Variants in ARHGAP10 observed in about 807,000 individuals in gnomAD.
ARHGAP10 encodes rho GTPase-activating protein 10.
A neutral mutation model predicts 108.6 loss-of-function variants in ARHGAP10; 87 were observed. The observed-to-expected ratio is 0.80, with a 90% CI of 0.67 to 0.96. The LOEUF (loss-of-function observed/expected upper bound fraction) is 0.96. ARHGAP10 is among the 40% of genes least tolerant of loss of function. The pLI is 0.00. For synonymous variants in ARHGAP10, 347 were observed against 341.1 expected (o/e 1.02, Z -0.19); for missense variants, 939 against 954.5 (o/e 0.98, Z 0.21).
At chr4:147,784,195 GTGTATTATA>G (rs1730705100) in intron 1 of ARHGAP10, among the ~76,000 whole-genome samples, 3 of 75,844 alleles carry the variant, frequency 4.0e-5, no homozygotes, top group Admixed American at 2.3e-4. Context: ...ACATTAAATT[GTGTATTATA>G]TATTTTACAT....
At position 148,012,755 on chromosome 4, in the gene ARHGAP10, G is replaced by A; in HGVS notation, c.1717-10508G>A. ...GGCCACGTCTCATGTATAACCAGGG[G>A]CTGAATAAATTCTAGGAACCTGAGG... On this transcript the variant is annotated intron_variant, in intron 18 of 22. Coordinates refer to ENST00000336498, the MANE Select transcript of ARHGAP10 (RefSeq NM_024605.4). Among the ~76,000 whole-genome samples, 2 of 152,092 alleles carry A rather than the reference G, an allele frequency of 1.3e-5. 1 individual carries two copies. The highest frequency in any genetic ancestry group is 2.9e-5 in the Non-Finnish European group (2 of 68,018).
At chr4:148,019,309 A>G (rs1053509719) in intron 18 of ARHGAP10, among the ~76,000 whole-genome samples, 3 of 152,216 alleles carry the variant, frequency 2.0e-5, no homozygotes, top group African/African-American at 7.2e-5. Context: ...TATATTATGA[A>G]TACAAATAGC....
intron 19 of ARHGAP10, among the ~76,000 whole-genome samples, chr4:148,045,851 A>C (rs527535408): frequency 6.7e-6 from 1 of 149,322 alleles, no homozygotes; most frequent in East Asian, 2.0e-4. Flanking sequence ...CCTGGGAGTG[A>C]GGAAACGTGA....
Position 147,879,340 on chromosome 4 carries a change from T to A in ARHGAP10, c.939+2T>A, listed in dbSNP as rs150075964. Reference sequence around the variant, plus strand: ...GAGCACAGATCTGGAGGGAAACTTGTAAGTATTTGATTCAACATAGAATAG... The same window carrying A: ...GAGCACAGATCTGGAGGGAAACTTGAAAGTATTTGATTCAACATAGAATAG... On this transcript the variant is annotated splice_donor_variant, in intron 9 of 22. Coordinates refer to ENST00000336498, the MANE Select transcript of ARHGAP10 (RefSeq NM_024605.4). LOFTEE classifies it high-confidence loss of function. 1 of 1,611,628 alleles carries A rather than the reference T, an allele frequency of 6.2e-7. No homozygotes were observed. The highest frequency in any genetic ancestry group is 8.5e-7 in the Non-Finnish European group (1 of 1,178,238).
At chr4:148,037,792 G>A (rs538447595) in intron 19 of ARHGAP10, among the ~76,000 whole-genome samples, 136 of 150,570 alleles carry the variant, frequency 9.0e-4, no homozygotes, top group African/African-American at 3.0e-3. Context: ...CCAAGATCAC[G>A]CCACTGCTCT....
At chr4:147,743,148 C>A (rs1407552206) in intron 1 of ARHGAP10, among the ~76,000 whole-genome samples, 1 of 151,692 alleles carries the variant, frequency 6.6e-6, no homozygotes, top group Non-Finnish European at 1.5e-5. Flanking sequence ...ATTCTCCTGC[C>A]TCAACCTCCC....
intron 10 of ARHGAP10, among the ~76,000 whole-genome samples, chr4:147,892,168 T>C (rs530592872): frequency 9.9e-5 from 15 of 151,658 alleles, no homozygotes; most frequent in Non-Finnish European, 2.2e-4. Flanking sequence ...CACTTATTTA[T>C]ATTTTTATGT....
chr4:147,757,641 T>C (rs1729434777), intron 1 of ARHGAP10, among the ~76,000 whole-genome samples: 1 of 152,172 alleles, frequency 6.6e-6, no homozygotes, highest in Non-Finnish European at 1.5e-5. Context: ...CTCTGCTTCC[T>C]CTGAACATTG....
chr4:147,799,732 T>C lies in ARHGAP10; in HGVS notation c.155-22995T>C, dbSNP rs185786504. ...TTTCAACAGAATTTATAATTGATTA[T>C]TGAAGCACTTGTAAGAGGGTTGCTT... On this transcript the variant is annotated intron_variant, in intron 1 of 22. Coordinates refer to ENST00000336498, the MANE Select transcript of ARHGAP10 (RefSeq NM_024605.4). 5.3e-5 allele frequency among the ~76,000 whole-genome samples: 8 copies of C among 152,380 alleles called. No individual in the cohort carries two copies. The East Asian group carries it at 1.5e-3, about 29-fold the overall frequency.
chr4:147,872,863 A>G (rs769303102), intron 7 of ARHGAP10, among the ~76,000 whole-genome samples: 2 of 152,236 alleles, frequency 1.3e-5, no homozygotes, highest in African/African-American at 2.4e-5. Flanking sequence ...GTATAAGTAG[A>G]TCCACAAAGT....
At chr4:148,058,762 A>C (rs1729473385) in intron 20 of ARHGAP10, among the ~76,000 whole-genome samples, 1 of 152,222 alleles carries the variant, frequency 6.6e-6, no homozygotes, top group African/African-American at 2.4e-5. Context: ...GTAACCACAT[A>C]TACAGCACTG....
intron 18 of ARHGAP10, among the ~76,000 whole-genome samples, chr4:147,990,720 A>G (rs1740239049): frequency 6.6e-6 from 1 of 152,228 alleles, no homozygotes; most frequent in Non-Finnish European, 1.5e-5. Context: ...GGAGCCAAAC[A>G]TTGAGTACAT....
chr4:147,905,670 G>A (rs575969290), intron 10 of ARHGAP10, among the ~76,000 whole-genome samples: 2 of 145,910 alleles, frequency 1.4e-5, no homozygotes, highest in Non-Finnish European at 3.0e-5. Context: ...GTAGCGTGAT[G>A]CCTCCAGCTT....
intron 10 of ARHGAP10, among the ~76,000 whole-genome samples, chr4:147,885,635 G>A (rs949579778): frequency 8.5e-5 from 13 of 152,188 alleles, no homozygotes; most frequent in Non-Finnish European, 1.5e-4. Context: ...GGCTATGGCA[G>A]CATTTGATTT....
chr4:147,811,241 C>A (rs1371325728), intron 1 of ARHGAP10, among the ~76,000 whole-genome samples: 2 of 152,262 alleles, frequency 1.3e-5, no homozygotes, highest in Non-Finnish European at 2.9e-5. Context: ...CCCCCAGTGT[C>A]CTCTTGTGAG....
chr4:147,882,406 T>G (rs1232549712), intron 10 of ARHGAP10, among the ~76,000 whole-genome samples: 1 of 150,288 alleles, frequency 6.7e-6, no homozygotes, highest in Non-Finnish European at 1.5e-5. Flanking sequence ...GAGGCTGCAG[T>G]GAGCCAAGAT....
At chr4:147,768,681 CTTTG>C (rs1198978025) in intron 1 of ARHGAP10, among the ~76,000 whole-genome samples, 1 of 151,184 alleles carries the variant, frequency 6.6e-6, no homozygotes, top group Non-Finnish European at 1.5e-5. Context: ...TTGGTGACAA[CTTTG>C]TTTTTGAGTT....
At chr4:147,826,327 C>T (rs944372737) in intron 3 of ARHGAP10, among the ~76,000 whole-genome samples, 28 of 152,274 alleles carry the variant, frequency 1.8e-4, no homozygotes, top group African/African-American at 6.7e-4. Flanking sequence ...GTTTAAGCTC[C>T]AGCTGTGATG....
At chr4:147,929,099 T>C (rs1264765530) in intron 13 of ARHGAP10, among the ~76,000 whole-genome samples, 1 of 152,250 alleles carries the variant, frequency 6.6e-6, no homozygotes, top group Non-Finnish European at 1.5e-5. Context: ...TGTTTGTTTT[T>C]TATTTAAATG....
Sources: allele counts gnomAD v4.1 joint callset (sites outside exome capture counted in the v4.1 genomes callset), GRCh38; gene constraint gnomAD v4.1.1; transcripts MANE v1.5; gene names NCBI Gene and HGNC (gene_info 2026-07-23, HGNC 2026-07-21).